IL1RAPL1: variants seen among roughly 807,000 people sequenced by gnomAD.
IL1RAPL1 encodes the protein interleukin 1 receptor accessory protein like 1.
In IL1RAPL1, 3 loss-of-function variants were observed where a neutral mutation model predicts 48.4. The observed-to-expected ratio is 0.06, with a 90% CI of 0.03 to 0.16. The LOEUF (loss-of-function observed/expected upper bound fraction) is 0.16, where lower values mean the gene tolerates loss of function less well. Among genes scored for constraint, IL1RAPL1 ranks in the 10% least tolerant of loss-of-function variants. IL1RAPL1 has a pLI of 1.00. For missense variants in IL1RAPL1, 349 were observed against 530.6 expected (o/e 0.66, Z 3.36); for synonymous variants, 185 against 187.7 (o/e 0.99, Z 0.12).
chrX:29,865,584 G>A lies in IL1RAPL1; in HGVS notation c.779-51880G>A, dbSNP rs1931671006. Among the ~76,000 whole-genome samples the A allele has an allele frequency of 2.8e-5, 3 of 107,940 alleles. No homozygotes were observed. The Admixed American group carries it at 3.0e-4, about 11-fold the overall frequency. 93.7% of individuals were successfully genotyped at this position (107,940 alleles called of 115,157 possible). A position where few individuals can be genotyped will look rare whatever the true frequency, so the allele number is the denominator to read the frequency against. On this transcript the variant is annotated intron_variant, in intron 6 of 10. Coordinates refer to ENST00000378993, the MANE Select transcript of IL1RAPL1 (RefSeq NM_014271.4). ...CAAAATAGATGCTCAATAAATGCCT[G>A]TGGTTGCATTGGGCTCATTTCTGTT...
intron 6 of IL1RAPL1, among the ~76,000 whole-genome samples, chrX:29,776,083 C>T (rs148641422): frequency 3.9e-3 from 436 of 111,615 alleles, no homozygotes; most frequent in African/African-American, 0.014. Flanking sequence ...TTCTCACTTC[C>T]GCTAGAATTG....
At position 29,655,760 on chromosome X, in the gene IL1RAPL1, C is replaced by G. The variant is rs1407219315; in HGVS notation, c.704-12670C>G. On this transcript the variant is annotated intron_variant, in intron 5 of 10. Transcript: ENST00000378993. The stretch of plus-strand genomic sequence containing the variant: ...GTTTGAATTCTGGCTTCTGTCCTCA[C>G]TGGACATTTGTTTTTGAAGTTTCTA... Among the ~76,000 whole-genome samples the G allele has an allele frequency of 2.7e-5, 3 of 109,804 alleles. No individual in the cohort carries two copies. The Admixed American group carries it at 2.9e-4, about 11-fold the overall frequency.
At chrX:29,336,307 GTGTGT>G (rs1569289454) in intron 3 of IL1RAPL1, among the ~76,000 whole-genome samples, 109 of 10,749 alleles carry the variant, frequency 0.01, 3 homozygotes, top group African/African-American at 0.037. Context: ...GTTTTGGGGT[GTGTGT>G]GTGTGTGTGT....
At chrX:28,804,078 T>C (rs929078178) in intron 2 of IL1RAPL1, among the ~76,000 whole-genome samples, 2 of 111,783 alleles carry the variant, frequency 1.8e-5, no homozygotes, top group Non-Finnish European at 3.8e-5. Context: ...AAGAAACATA[T>C]GGAGTGCTTA....
intron 6 of IL1RAPL1, among the ~76,000 whole-genome samples, chrX:29,688,254 G>A (rs1219858874): frequency 9.0e-6 from 1 of 111,577 alleles, no homozygotes; most frequent in Admixed American, 9.5e-5. Flanking sequence ...AACCCCTCAG[G>A]AGGTTCTAGG....
chrX:29,761,618 G>A (rs1006755498), intron 6 of IL1RAPL1, among the ~76,000 whole-genome samples: 3 of 111,989 alleles, frequency 2.7e-5, no homozygotes, highest in Non-Finnish European at 5.6e-5. Flanking sequence ...TTTAGTGTGA[G>A]TATTTATTAA....
intron 1 of IL1RAPL1, among the ~76,000 whole-genome samples, chrX:28,754,889 G>T (rs1936089345): frequency 8.9e-6 from 1 of 112,429 alleles, no homozygotes; most frequent in Non-Finnish European, 1.9e-5. Flanking sequence ...ATATATAAAT[G>T]TGATAGGCCC....
At position 28,616,539 on chromosome X, in the gene IL1RAPL1, G is replaced by A. The variant is rs928951129; in HGVS notation, c.-25+28492G>A. 3.6e-5 allele frequency among the ~76,000 whole-genome samples: 4 copies of A among 109,717 alleles called. No individual in the cohort carries two copies. In the East Asian group the frequency reaches 1.1e-3, roughly 31 times the overall value. ...ACCTCCACCTCCCAGGTTCAAGGGA[G>A]TCTCCTGCCTCAGCCTCCCAAGTAG... is the stretch of plus-strand genomic sequence containing the variant. On this transcript the variant is annotated intron_variant, in intron 1 of 10. Transcript: ENST00000378993.
At chrX:29,652,188 T>C (rs1925541966) in intron 5 of IL1RAPL1, among the ~76,000 whole-genome samples, 1 of 112,235 alleles carries the variant, frequency 8.9e-6, no homozygotes, top group African/African-American at 3.2e-5. Flanking sequence ...TCTTCTGTTT[T>C]ACCTGTTATG....
intron 6 of IL1RAPL1, among the ~76,000 whole-genome samples, chrX:29,732,284 C>G (rs955640497): frequency 9.0e-6 from 1 of 111,668 alleles, no homozygotes; most frequent in Non-Finnish European, 1.9e-5. Context: ...CTTCACTTGG[C>G]ACTGTACCCC....
At chrX:28,949,759 G>A (rs1287968431) in intron 2 of IL1RAPL1, among the ~76,000 whole-genome samples, 6 of 108,997 alleles carry the variant, frequency 5.5e-5, no homozygotes, top group South Asian at 8.1e-4. Flanking sequence ...GTCTGTTCAT[G>A]TCCTTCGCCC....
intron 1 of IL1RAPL1, among the ~76,000 whole-genome samples, chrX:28,675,704 T>A (rs1439601780): frequency 9.1e-6 from 1 of 110,325 alleles, no homozygotes; most frequent in Non-Finnish European, 1.9e-5. Context: ...AATATGGGGG[T>A]GGGATGAGGA....
At chrX:28,760,647 T>A (rs1936159487) in intron 1 of IL1RAPL1, among the ~76,000 whole-genome samples, 1 of 111,761 alleles carries the variant, frequency 8.9e-6, no homozygotes, top group South Asian at 3.7e-4. Context: ...CTCTTCTTTT[T>A]AAATATACTT....
At chrX:29,035,799 A>G in intron 2 of IL1RAPL1, among the ~76,000 whole-genome samples, 1 of 112,697 alleles carries the variant, frequency 8.9e-6, no homozygotes, top group South Asian at 3.6e-4. Flanking sequence ...TAACTATATC[A>G]TAACATTTAA....
chrX:29,151,297 A>C (rs773643190), intron 2 of IL1RAPL1, among the ~76,000 whole-genome samples: 8 of 112,328 alleles, frequency 7.1e-5, no homozygotes, highest in Non-Finnish European at 1.3e-4. Flanking sequence ...TCCCATGTAA[A>C]ATAAGTTGCC....
intron 2 of IL1RAPL1, among the ~76,000 whole-genome samples, chrX:29,039,024 A>G (rs1926786491): frequency 8.9e-6 from 1 of 112,186 alleles, no homozygotes; most frequent in Non-Finnish European, 1.9e-5. Context: ...CTAATTTAAC[A>G]GCAGTTGTTT....
At chrX:29,820,788 G>A (rs1930595130) in intron 6 of IL1RAPL1, among the ~76,000 whole-genome samples, 1 of 111,946 alleles carries the variant, frequency 8.9e-6, no homozygotes, top group African/African-American at 3.2e-5. Flanking sequence ...GTCAAGGCTT[G>A]GACCCAGATA....
intron 2 of IL1RAPL1, among the ~76,000 whole-genome samples, chrX:29,161,059 C>CA (rs1258437211): frequency 0.023 from 1,902 of 81,811 alleles, 24 homozygotes; most frequent in African/African-American, 0.049. Context: ...GACTCTGTCT[C>CA]AAAAAAAAAA....
intron 5 of IL1RAPL1, among the ~76,000 whole-genome samples, chrX:29,401,008 G>GTA (rs1214820979): frequency 9.0e-6 from 1 of 111,617 alleles, no homozygotes; most frequent in Admixed American, 9.6e-5. Flanking sequence ...TTGGAGCACA[G>GTA]TATCATGGAT....
Sources: gnomAD v4.1 joint callset for allele counts (sites outside exome capture counted in the v4.1 genomes callset) on GRCh38, gnomAD v4.1.1 for gene constraint, MANE v1.5 for transcripts, NCBI Gene and HGNC (gene_info 2026-07-23, HGNC 2026-07-21) for gene names.